Variants in TENM2 observed in about 807,000 individuals in gnomAD.
The protein encoded by TENM2 is teneurin transmembrane protein 2, also known as teneurin-2.
A neutral mutation model predicts 245.2 loss-of-function variants in TENM2; 52 were observed. That is an observed-to-expected ratio of 0.21 (90% confidence interval 0.17 to 0.27). The LOEUF is 0.27. Among genes scored for constraint, TENM2 ranks in the 10% least tolerant of loss-of-function variants. The probability of loss-of-function intolerance (pLI) is 1.00; values close to 1 mark genes in which losing one functional copy is unlikely to be tolerated. For synonymous variants in TENM2, 1,363 were observed against 1,438.9 expected (o/e 0.95, Z 1.19); for missense variants, 3,046 against 3,666.8 (o/e 0.83, Z 4.37).
At chr5:167,495,010 C>A (rs997160178) in intron 2 of TENM2, among the ~76,000 whole-genome samples, 3 of 151,956 alleles carry the variant, frequency 2.0e-5, no homozygotes, top group Non-Finnish European at 4.4e-5. Flanking sequence ...AGATGATATA[C>A]AATCTTTCTA....
At chr5:167,198,979 A>G in the TENM2 span, among the ~76,000 whole-genome samples, 1 of 151,812 alleles carries the variant, frequency 6.6e-6, no homozygotes, top group African/African-American at 2.4e-5. Flanking sequence ...TAAAACAAAG[A>G]GCCAGTTTCA....
intron 2 of TENM2, among the ~76,000 whole-genome samples, chr5:167,433,578 A>G (rs1479603675): frequency 6.6e-6 from 1 of 152,106 alleles, no homozygotes; most frequent in African/African-American, 2.4e-5. Flanking sequence ...ATATTTCTAA[A>G]TTGGTTTTTT....
chr5:167,858,101 A>G (rs1260278303), intron 2 of TENM2, among the ~76,000 whole-genome samples: 2 of 152,238 alleles, frequency 1.3e-5, no homozygotes, highest in Admixed American at 6.5e-5. Flanking sequence ...AGAGCTATCA[A>G]CTAGAAAGCA....
At chr5:168,073,605 T>C (rs764233822) in intron 7 of TENM2, among the ~76,000 whole-genome samples, 1 of 152,244 alleles carries the variant, frequency 6.6e-6, no homozygotes, top group Non-Finnish European at 1.5e-5. Context: ...TGTTGAGTTG[T>C]TGCATATTTG....
intron 2 of TENM2, among the ~76,000 whole-genome samples, chr5:167,486,170 G>GAATAAAC (rs1176137266): frequency 6.6e-5 from 10 of 152,182 alleles, no homozygotes; most frequent in African/African-American, 2.4e-4. Flanking sequence ...CTCAAAGATT[G>GAATAAAC]AATAAACATA....
At chr5:167,937,621 T>C (rs976978125) in intron 3 of TENM2, 4 of 152,174 alleles carry the variant, frequency 2.6e-5, no homozygotes, top group African/African-American at 9.7e-5. Context: ...TTTTATTCCC[T>C]AATGAAACAG....
chr5:167,525,625 G>T (rs1485788649), intron 2 of TENM2, among the ~76,000 whole-genome samples: 2 of 152,114 alleles, frequency 1.3e-5, no homozygotes, highest in Non-Finnish European at 1.5e-5. Flanking sequence ...ATTGACCTGG[G>T]ACCTATAGGA....
intron 25 of TENM2, chr5:168,240,881 G>A (rs1048201499): frequency 6.6e-6 from 1 of 152,270 alleles, no homozygotes; most frequent in African/African-American, 2.4e-5. Flanking sequence ...ATGTTGGAGA[G>A]GTCTTGAACC....
intron 2 of TENM2, among the ~76,000 whole-genome samples, chr5:167,502,507 G>A (rs961775842): frequency 5.3e-5 from 8 of 152,042 alleles, no homozygotes; most frequent in Non-Finnish European, 4.4e-5. Flanking sequence ...AATATTCATT[G>A]GGTAAACAAT....
chr5:167,713,367 C>T (rs1327746013), intron 2 of TENM2, among the ~76,000 whole-genome samples: 2 of 150,664 alleles, frequency 1.3e-5, no homozygotes, highest in Admixed American at 6.6e-5. Context: ...TGGCTGAGAG[C>T]GCTCTCACTT....
At chr5:167,643,646 C>T (rs1483674924) in intron 2 of TENM2, among the ~76,000 whole-genome samples, 1 of 152,188 alleles carries the variant, frequency 6.6e-6, no homozygotes, top group Non-Finnish European at 1.5e-5. Flanking sequence ...CCTGATTACA[C>T]TTTCTTTCTC....
chr5:168,004,593 A>G (rs1008148361), intron 5 of TENM2, among the ~76,000 whole-genome samples: 3 of 151,964 alleles, frequency 2.0e-5, no homozygotes, highest in East Asian at 3.9e-4. Flanking sequence ...AAAAATGCCA[A>G]TCAGAAACCT....
chr5:167,178,019 C>A, the TENM2 span, among the ~76,000 whole-genome samples: 1 of 152,110 alleles, frequency 6.6e-6, no homozygotes, highest in Admixed American at 6.5e-5. Flanking sequence ...ACATTCATAA[C>A]CATAGAGTTG....
chr5:168,005,526 A>C (rs906266201), intron 5 of TENM2, among the ~76,000 whole-genome samples: 1 of 152,170 alleles, frequency 6.6e-6, no homozygotes, highest in Non-Finnish European at 1.5e-5. Flanking sequence ...CAAAGCAACA[A>C]AACCAAAAAA....
chr5:168,087,116 C>T (rs115882653), intron 7 of TENM2, among the ~76,000 whole-genome samples: 2,778 of 152,278 alleles, frequency 0.018, 76 homozygotes, highest in African/African-American at 0.063. Context: ...TGTGATGCTG[C>T]TTGACACGTG....
the TENM2 span, among the ~76,000 whole-genome samples, chr5:167,134,019 T>C: frequency 2.0e-5 from 3 of 152,222 alleles, no homozygotes; most frequent in Non-Finnish European, 1.5e-5. Context: ...TAGAGAGCTA[T>C]GATCTTCTGC....
chr5:167,955,613 A>C (rs1234576912), intron 4 of TENM2, among the ~76,000 whole-genome samples: 1 of 152,140 alleles, frequency 6.6e-6, no homozygotes, highest in Non-Finnish European at 1.5e-5. Context: ...TTTGTGTTTA[A>C]GTCTTTAATC....
intron 17 of TENM2, 122 bp downstream of exon 19, chr5:168,200,253 A>G (rs1429902014): frequency 2.3e-6 from 2 of 855,146 alleles, no homozygotes; most frequent in African/African-American, 3.4e-5. Context: ...CACGATGGCC[A>G]AGAAGACAGA....
At chr5:168,238,253 A>AGAAAAGAAAG (rs1765749356) in intron 25 of TENM2, among the ~76,000 whole-genome samples, 3 of 146,934 alleles carry the variant, frequency 2.0e-5, no homozygotes, top group African/African-American at 7.7e-5. Context: ...AGAAAAGAAA[A>AGAAAAGAAAG]GAAAAGAAAA....
Sources: gnomAD v4.1 joint callset for allele counts (sites outside exome capture counted in the v4.1 genomes callset) on GRCh38, gnomAD v4.1.1 for gene constraint, MANE v1.5 for transcripts, NCBI Gene and HGNC (gene_info 2026-07-23, HGNC 2026-07-21) for gene names.